The following ACSL4 variants were observed in gnomAD, a reference collection of about 807,000 sequenced individuals.
ACSL4 encodes the protein long-chain-fatty-acid--CoA ligase 4.
Under a neutral mutation model 49.1 loss-of-function variants are expected in ACSL4, and 9 were observed. The ratio of observed to expected loss-of-function variants is 0.18; its 90% CI spans 0.11 to 0.32. The LOEUF is 0.32. ACSL4 is among the 10% of genes least tolerant of loss of function. ACSL4 has a pLI of 1.00. For missense variants in ACSL4, 333 were observed against 493.7 expected (o/e 0.67, Z 3.08); for synonymous variants, 191 against 170.3 (o/e 1.12, Z -0.95).
At chrX:109,650,263 A>T (rs1335423173) in intron 15 of ACSL4, among the ~76,000 whole-genome samples, 2 of 110,735 alleles carry the variant, frequency 1.8e-5, no homozygotes, top group African/African-American at 6.6e-5. Flanking sequence ...AATAGCAAAG[A>T]CTTGGAACCA....
chrX:109,683,414 G>A (rs774930152), intron 2 of ACSL4, 39 bp from the exon 3 acceptor site: 2 of 1,209,406 alleles, frequency 1.7e-6, no homozygotes, highest in Admixed American at 4.4e-5. Flanking sequence ...ATAAATATAA[G>A]GGCACTGTAT....
intron 1 of ACSL4, among the ~76,000 whole-genome samples, chrX:109,697,421 A>G (rs920862435): frequency 9.0e-6 from 1 of 111,440 alleles, no homozygotes; most frequent in African/African-American, 3.3e-5. Context: ...TAATCATCAC[A>G]CTAACTAGCT....
chrX:109,664,560 G>A (rs775131323), intron 12 of ACSL4, among the ~76,000 whole-genome samples: 34 of 111,791 alleles, frequency 3.0e-4, no homozygotes, highest in Non-Finnish European at 6.0e-4. Flanking sequence ...AAAAGAAATA[G>A]TCATTTGCTC....
chrX:109,729,961 G>A (rs947397642), intron 1 of ACSL4, among the ~76,000 whole-genome samples: 1 of 112,258 alleles, frequency 8.9e-6, no homozygotes, highest in South Asian at 3.7e-4. Flanking sequence ...GGGATGAAGG[G>A]AGATGGCTAC....
chrX:109,723,196 A>C (rs2147518), intron 1 of ACSL4, among the ~76,000 whole-genome samples: 48,133 of 110,249 alleles, frequency 0.44, 8,488 homozygotes, highest in Middle Eastern at 0.62. Context: ...GCAAATGTTT[A>C]ATATTAGTAA....
At chrX:109,729,353 T>C (rs368820191) in intron 1 of ACSL4, among the ~76,000 whole-genome samples, 62 of 112,398 alleles carry the variant, frequency 5.5e-4, no homozygotes, top group African/African-American at 1.4e-3. Context: ...ATCAACATCA[T>C]TGGCGATCAG....
intron 12 of ACSL4, among the ~76,000 whole-genome samples, chrX:109,664,929 G>A (rs185958028): frequency 2.1e-4 from 23 of 111,779 alleles, no homozygotes; most frequent in Non-Finnish European, 4.0e-4. Flanking sequence ...AATGTCTCTA[G>A]TTTTCTTCTA....
rs1193485175 is a variant in ACSL4, at chrX:109,641,844, T to G, written c.*2185A>C. 1 of 112,870 alleles carries G rather than the reference T, an allele frequency of 8.9e-6. No homozygotes were observed. The highest frequency in any genetic ancestry group is 1.9e-5 in the Non-Finnish European group (1 of 53,240). The allele number at this position is 112,870 out of a possible 1,213,427, so 9.3% of individuals were successfully genotyped here. A position where few individuals can be genotyped will look rare whatever the true frequency, so the allele number is the denominator to read the frequency against. ...TAAATTTTTAAAGTACAACTTTAGT[T>G]GATGGCTGATGTGTATGTAATAACT... On this transcript the variant is annotated 3_prime_UTR_variant, in exon 16 of 16. Coordinates refer to ENST00000672401, the MANE Select transcript of ACSL4 (RefSeq NM_001318510.2).
intron 1 of ACSL4, among the ~76,000 whole-genome samples, chrX:109,700,751 A>T (rs1925852874): frequency 9.0e-6 from 1 of 111,317 alleles, no homozygotes; most frequent in South Asian, 3.8e-4. Context: ...AAAGTTTTTT[A>T]AAAATATTCA....
In ACSL4 at chrX:109,733,252, G is replaced by A. The variant is rs1299786665; in HGVS notation, c.-179C>T. The A allele has an allele frequency of 6.5e-6, 2 of 306,139 alleles. No individual in the cohort carries two copies. Among genetic ancestry groups the A allele is most frequent in the Admixed American group, 3.6e-5 (1 of 27,702 alleles). 25.2% of individuals were successfully genotyped at this position (306,139 alleles called of 1,213,427 possible). A position where few individuals can be genotyped will look rare whatever the true frequency, so the allele number is the denominator to read the frequency against. ...GGGACGAGGAGGAGCGCGCGGCGGA[G>A]GCCAGAGAAAAAGCCGCAGCGGCGC... On this transcript the variant is annotated 5_prime_UTR_variant, in exon 1 of 16. Transcript: ENST00000672401.
At chrX:109,708,183 C>A (rs778648527) in intron 1 of ACSL4, among the ~76,000 whole-genome samples, 28 of 112,282 alleles carry the variant, frequency 2.5e-4, no homozygotes, top group Non-Finnish European at 4.9e-4. Flanking sequence ...TGGGCTCAAG[C>A]GATCCATCTG....
chrX:109,701,575 T>C (rs1296788312), intron 1 of ACSL4, among the ~76,000 whole-genome samples: 1 of 91,906 alleles, frequency 1.1e-5, no homozygotes, highest in African/African-American at 4.1e-5. Flanking sequence ...AGATGGAGTC[T>C]CGCTCTGTCG....
intron 1 of ACSL4, among the ~76,000 whole-genome samples, chrX:109,724,449 T>A (rs1333882056): frequency 2.7e-5 from 3 of 110,519 alleles, no homozygotes; most frequent in African/African-American, 9.9e-5. Flanking sequence ...TAATTTTTGT[T>A]TTTGTTTTTT....
intron 2 of ACSL4, among the ~76,000 whole-genome samples, chrX:109,688,478 C>T (rs4520340): frequency 8.9e-5 from 10 of 111,939 alleles, no homozygotes; most frequent in Non-Finnish European, 1.5e-4. Context: ...TCCTTTGCAT[C>T]TTCTTTTCAG....
intron 1 of ACSL4, among the ~76,000 whole-genome samples, chrX:109,713,422 A>G (rs1926898684): frequency 8.9e-6 from 1 of 112,000 alleles, no homozygotes; most frequent in Admixed American, 9.5e-5. Context: ...GCTTAGTCCA[A>G]AGGCTTCAGA....
intron 1 of ACSL4, among the ~76,000 whole-genome samples, chrX:109,716,960 T>G (rs1305286037): frequency 1.8e-5 from 2 of 112,523 alleles, no homozygotes; most frequent in Admixed American, 9.4e-5. Context: ...GATATCCTTT[T>G]GCAGCTATTT....
chrX:109,695,428 A>G (rs1925366918), intron 2 of ACSL4, among the ~76,000 whole-genome samples: 1 of 109,145 alleles, frequency 9.2e-6, no homozygotes, highest in African/African-American at 3.3e-5. Context: ...ATAATAATGA[A>G]CCACTGAGGA....
At chrX:109,709,193 G>A (rs1446593553) in intron 1 of ACSL4, among the ~76,000 whole-genome samples, 1 of 111,864 alleles carries the variant, frequency 8.9e-6, no homozygotes, top group African/African-American at 3.3e-5. Flanking sequence ...TCAAGCAAAA[G>A]GAACCAAATG....
chrX:109,679,534 T>C (rs1016089257), intron 6 of ACSL4, among the ~76,000 whole-genome samples: 2 of 112,494 alleles, frequency 1.8e-5, no homozygotes, highest in Non-Finnish European at 3.7e-5. Flanking sequence ...TTTAAAGATA[T>C]AGTCATAGTT....
Sources: gnomAD v4.1 joint callset for allele counts (sites outside exome capture counted in the v4.1 genomes callset) on GRCh38, gnomAD v4.1.1 for gene constraint, MANE v1.5 for transcripts, NCBI Gene and HGNC (gene_info 2026-07-23, HGNC 2026-07-21) for gene names.